RFX3: variants seen among roughly 807,000 people sequenced by gnomAD.
RFX3 encodes transcription factor RFX3.
A neutral mutation model predicts 98.6 loss-of-function variants in RFX3; 14 were observed. The observed-to-expected ratio is 0.14, with a 90% CI of 0.09 to 0.22. The LOEUF is 0.22. Among genes scored for constraint, RFX3 ranks in the 10% least tolerant of loss-of-function variants. The pLI, the probability that RFX3 is intolerant of heterozygous loss-of-function variation, is 1.00. For synonymous variants in RFX3, 383 were observed against 328.4 expected (o/e 1.17, Z -1.80); for missense variants, 639 against 926.9 (o/e 0.69, Z 4.03).
At chr9:3,335,073 C>T (rs990465877) in intron 3 of RFX3, among the ~76,000 whole-genome samples, 26 of 151,898 alleles carry the variant, frequency 1.7e-4, no homozygotes, top group Non-Finnish European at 2.8e-4. Flanking sequence ...GAGCCGAGGT[C>T]ACACCACTGC....
chr9:3,340,565 C>T (rs1259132574), intron 3 of RFX3, among the ~76,000 whole-genome samples: 2 of 152,014 alleles, frequency 1.3e-5, no homozygotes, highest in East Asian at 1.9e-4. Flanking sequence ...AAGAAAAAAA[C>T]AAACAACCCC....
chr9:3,248,316 A>C, intron 14 of RFX3, 131 bp from the exon 15 acceptor site: 1 of 1,158,328 alleles, frequency 8.6e-7, no homozygotes, highest in Admixed American at 3.1e-5. Context: ...CCTGCCATGA[A>C]AGCATTTCAT....
At chr9:3,499,412 T>C (rs1208666801) in intron 1 of RFX3, among the ~76,000 whole-genome samples, 1 of 152,040 alleles carries the variant, frequency 6.6e-6, no homozygotes, top group Non-Finnish European at 1.5e-5. Flanking sequence ...TTCATCACTT[T>C]TGGACAGTAA....
At chr9:3,384,378 A>G (rs957460926) in intron 2 of RFX3, among the ~76,000 whole-genome samples, 4 of 152,220 alleles carry the variant, frequency 2.6e-5, no homozygotes, top group African/African-American at 9.6e-5. Flanking sequence ...ACATACATTC[A>G]TTTTATAATT....
chr9:3,264,763 T>C (rs1471234754), intron 12 of RFX3, among the ~76,000 whole-genome samples: 1 of 152,148 alleles, frequency 6.6e-6, no homozygotes, highest in Non-Finnish European at 1.5e-5. Context: ...GTTAATTGAA[T>C]GTGGAGAGGA....
At chr9:3,345,437 G>A (rs956670833) in intron 3 of RFX3, among the ~76,000 whole-genome samples, 4 of 152,154 alleles carry the variant, frequency 2.6e-5, no homozygotes, top group African/African-American at 9.7e-5. Flanking sequence ...TGGAGGTAGT[G>A]TTAGGCAGTA....
In RFX3 at chr9:3,255,972, T is replaced by C. The variant is rs763558033; in HGVS notation, c.1814+1019A>G. Among the ~76,000 whole-genome samples the C allele has an allele frequency of 2.0e-3, 287 of 143,142 alleles. 1 individual carries two copies. The highest frequency in any genetic ancestry group is 3.5e-3 in the Non-Finnish European group (230 of 66,600). The allele number at this position is 143,142 out of a possible 152,430, so 93.9% of individuals were successfully genotyped here. ...CTCATTCCTAATCATTATCTCTCTC[T>C]TTTTTTTTTTCTGAGACGGAGTCTC... On this transcript the variant is annotated intron_variant, in intron 14 of 16. Transcript: ENST00000617270.
chr9:3,269,125 A>G (rs1824040956), intron 11 of RFX3, among the ~76,000 whole-genome samples: 1 of 152,026 alleles, frequency 6.6e-6, no homozygotes, highest in Non-Finnish European at 1.5e-5. Flanking sequence ...TAGGTAGAGT[A>G]GAATATATTA....
At chr9:3,396,549 T>C (rs1840900789) in intron 1 of RFX3, among the ~76,000 whole-genome samples, 1 of 152,218 alleles carries the variant, frequency 6.6e-6, no homozygotes, top group Non-Finnish European at 1.5e-5. Flanking sequence ...CCTTTGGGTA[T>C]ATACCCAGTA....
chr9:3,277,160 G>A (rs1216879975), intron 8 of RFX3, among the ~76,000 whole-genome samples, 180 bp downstream of exon 8: 3 of 151,848 alleles, frequency 2.0e-5, no homozygotes, highest in East Asian at 3.9e-4. Flanking sequence ...TTAAAAATAA[G>A]CTCTAATAAA....
chr9:3,494,296 G>T (rs1221242428), intron 1 of RFX3, among the ~76,000 whole-genome samples: 7 of 152,094 alleles, frequency 4.6e-5, no homozygotes. Flanking sequence ...CAGAGTTGTT[G>T]ACCTGGAACC....
intron 2 of RFX3, among the ~76,000 whole-genome samples, chr9:3,373,906 G>A (rs1034648076): frequency 4.6e-5 from 7 of 152,054 alleles, no homozygotes; most frequent in African/African-American, 7.2e-5. Context: ...GTGAAATCCC[G>A]TCTCTAATAA....
chr9:3,385,326 G>C (rs960545102), intron 2 of RFX3, among the ~76,000 whole-genome samples: 4 of 152,074 alleles, frequency 2.6e-5, no homozygotes, highest in African/African-American at 9.7e-5. Context: ...GATATTAATA[G>C]GAAAGAAATT....
At chr9:3,503,060 A>C (rs1816217972) in intron 1 of RFX3, among the ~76,000 whole-genome samples, 1 of 152,220 alleles carries the variant, frequency 6.6e-6, no homozygotes, top group Non-Finnish European at 1.5e-5. Context: ...ATATCTTTTC[A>C]TAAACACAAC....
intron 1 of RFX3, among the ~76,000 whole-genome samples, chr9:3,493,319 A>C (rs1029549214): frequency 6.6e-6 from 1 of 152,146 alleles, no homozygotes; most frequent in African/African-American, 2.4e-5. Flanking sequence ...TCTGCTATCT[A>C]TCCTACACAG....
intron 1 of RFX3, among the ~76,000 whole-genome samples, chr9:3,468,666 T>C (rs997440165): frequency 6.6e-6 from 1 of 152,020 alleles, no homozygotes; most frequent in Admixed American, 6.6e-5. Context: ...GCAATGAATG[T>C]CTTGCAGCTC....
At chr9:3,409,016 G>T (rs529117712) in intron 1 of RFX3, among the ~76,000 whole-genome samples, 1 of 152,256 alleles carries the variant, frequency 6.6e-6, no homozygotes, top group South Asian at 2.1e-4. Flanking sequence ...TAGTTTCAAA[G>T]AATCTTTTAA....
At chr9:3,394,551 C>T (rs375900574) in intron 2 of RFX3, among the ~76,000 whole-genome samples, 2 of 152,186 alleles carry the variant, frequency 1.3e-5, no homozygotes, top group East Asian at 3.9e-4. Flanking sequence ...TTGCAGCACA[C>T]CCCCTGCCCA....
intron 1 of RFX3, among the ~76,000 whole-genome samples, chr9:3,412,884 A>G (rs2132204272): frequency 6.6e-6 from 1 of 152,260 alleles, no homozygotes; most frequent in African/African-American, 2.4e-5. Context: ...CAATGTTGAA[A>G]ACCTGTTTAT....
Sources: gnomAD v4.1 joint callset for allele counts (sites outside exome capture counted in the v4.1 genomes callset) on GRCh38, gnomAD v4.1.1 for gene constraint, MANE v1.5 for transcripts, NCBI Gene and HGNC (gene_info 2026-07-23, HGNC 2026-07-21) for gene names.